TENM2: variants seen among roughly 807,000 people sequenced by gnomAD.
The protein encoded by TENM2 is teneurin-2.
TENM2 carries 52 observed loss-of-function variants against 245.2 expected under a neutral mutation model. That is an observed-to-expected ratio of 0.21 (90% CI 0.17 to 0.27). The LOEUF is 0.27. TENM2 is among the 10% of genes least tolerant of loss of function. The pLI is 1.00. For synonymous variants in TENM2, 1,363 were observed against 1,438.9 expected, an observed-to-expected ratio of 0.95 and a Z score of 1.19; for missense variants, 3,046 against 3,666.8, an observed-to-expected ratio of 0.83 and a Z score of 4.37.
At chr5:167,920,685 A>G (rs1255730820) in intron 3 of TENM2, among the ~76,000 whole-genome samples, 1 of 152,210 alleles carries the variant, frequency 6.6e-6, no homozygotes, top group Non-Finnish European at 1.5e-5. Flanking sequence ...CTAAGGAGAT[A>G]AATAATTGGG....
chr5:167,721,784 A>T (rs563334005), intron 2 of TENM2, among the ~76,000 whole-genome samples: 1 of 152,222 alleles, frequency 6.6e-6, no homozygotes, highest in Non-Finnish European at 1.5e-5. Context: ...CCTAGGCATT[A>T]GGACATAGAC....
intron 2 of TENM2, among the ~76,000 whole-genome samples, chr5:167,445,369 A>AGAGAGGGAGAGAGAGAGT (rs35699708): frequency 2.0e-5 from 2 of 98,578 alleles, no homozygotes; most frequent in Non-Finnish European, 3.7e-5. Flanking sequence ...AGAGAGAGAG[A>AGAGAGGGAGAGAGAGAGT]GTGTCAGGTG....
chr5:167,780,547 A>G (rs1166394644), intron 2 of TENM2, among the ~76,000 whole-genome samples: 3 of 152,132 alleles, frequency 2.0e-5, no homozygotes, highest in Admixed American at 1.3e-4. Context: ...CTGTCTGGTG[A>G]TCCTAAGCAC....
At chr5:168,133,754 C>T (rs548875045) in intron 12 of TENM2, among the ~76,000 whole-genome samples, 2 of 152,330 alleles carry the variant, frequency 1.3e-5, no homozygotes, top group African/African-American at 2.4e-5. Context: ...GGCCCCACTT[C>T]GTCCATTTAT....
chr5:167,493,059 G>C (rs1768539386), intron 2 of TENM2, among the ~76,000 whole-genome samples: 1 of 152,088 alleles, frequency 6.6e-6, no homozygotes, highest in Admixed American at 6.6e-5. Context: ...GTGGGATTCT[G>C]TGATTCTTAT....
intron 2 of TENM2, among the ~76,000 whole-genome samples, chr5:167,684,143 AC>A (rs748380456): frequency 2.0e-5 from 3 of 152,228 alleles, no homozygotes; most frequent in Admixed American, 6.5e-5. Context: ...AACAGGAAGT[AC>A]ATACCCAGGC....
At chr5:167,756,900 A>T (rs1160489373) in intron 2 of TENM2, among the ~76,000 whole-genome samples, 1 of 151,178 alleles carries the variant, frequency 6.6e-6, no homozygotes, top group Admixed American at 6.6e-5. Flanking sequence ...GCAGTTGGCC[A>T]CTGGTTCTTT....
chr5:167,385,394 T>A (rs2127347914), intron 2 of TENM2, among the ~76,000 whole-genome samples: 1 of 152,006 alleles, frequency 6.6e-6, no homozygotes, highest in East Asian at 1.9e-4. Flanking sequence ...GCTTTCTGCT[T>A]GTCTTTATTT....
chr5:168,146,990 C>T (rs1358046611), intron 12 of TENM2, among the ~76,000 whole-genome samples: 1 of 152,198 alleles, frequency 6.6e-6, no homozygotes, highest in African/African-American at 2.4e-5. Context: ...TGATGGAGGA[C>T]AATTCCCCTT....
At chr5:167,086,979 C>A in the TENM2 span, among the ~76,000 whole-genome samples, 2 of 151,050 alleles carry the variant, frequency 1.3e-5, no homozygotes, top group South Asian at 4.2e-4. Context: ...AGTGCCTGGG[C>A]TCTACCTTCA....
the TENM2 span, among the ~76,000 whole-genome samples, chr5:167,232,318 A>G: frequency 3.3e-5 from 5 of 152,098 alleles, no homozygotes; most frequent in Admixed American, 2.0e-4. Context: ...TGAAAACACT[A>G]AACGCCAGCC....
At chr5:167,680,319 A>C (rs1438297237) in intron 2 of TENM2, among the ~76,000 whole-genome samples, 1 of 152,080 alleles carries the variant, frequency 6.6e-6, no homozygotes, top group Admixed American at 6.6e-5. Context: ...GTTAAAAAAA[A>C]AAAAATCCCT....
chr5:167,739,230 T>C (rs1365541414), intron 2 of TENM2, among the ~76,000 whole-genome samples: 1 of 151,912 alleles, frequency 6.6e-6, no homozygotes, highest in Non-Finnish European at 1.5e-5. Flanking sequence ...TTGGGAATAG[T>C]CTATTTCTAT....
chr5:167,088,128 A>G, the TENM2 span, among the ~76,000 whole-genome samples: 1 of 152,200 alleles, frequency 6.6e-6, no homozygotes, highest in Non-Finnish European at 1.5e-5. Context: ...AGTCATGCTC[A>G]GAGTGGAACA....
the TENM2 span, among the ~76,000 whole-genome samples, chr5:167,094,312 C>A: frequency 6.6e-6 from 1 of 152,116 alleles, no homozygotes; most frequent in Admixed American, 6.5e-5. Context: ...TGCCTGTGCC[C>A]CCCACTGTAA....
intron 1 of TENM2, among the ~76,000 whole-genome samples, chr5:167,362,443 A>G (rs1759774653): frequency 6.6e-6 from 1 of 152,224 alleles, no homozygotes; most frequent in African/African-American, 2.4e-5. Context: ...AGTATCTGCT[A>G]TACATATATT....
chr5:167,532,394 G>A (rs943646276), intron 2 of TENM2, among the ~76,000 whole-genome samples: 7 of 152,032 alleles, frequency 4.6e-5, no homozygotes, highest in Non-Finnish European at 1.0e-4. Context: ...ATACAGGAAA[G>A]AGGTTTAATG....
the TENM2 span, among the ~76,000 whole-genome samples, chr5:167,159,130 A>G: frequency 6.6e-6 from 1 of 151,338 alleles, no homozygotes; most frequent in Non-Finnish European, 1.5e-5. Context: ...TTCAGTAGAG[A>G]CTGGGTTTCA....
At chr5:167,798,613 G>T (rs113854519) in intron 2 of TENM2, among the ~76,000 whole-genome samples, 5 of 152,214 alleles carry the variant, frequency 3.3e-5, no homozygotes, top group African/African-American at 1.2e-4. Context: ...GACAGAGCGG[G>T]CGTAGTATTC....
Sources: gnomAD v4.1 joint callset for allele counts (sites outside exome capture counted in the v4.1 genomes callset) on GRCh38, gnomAD v4.1.1 for gene constraint, MANE v1.5 for transcripts, NCBI Gene and HGNC (gene_info 2026-07-23, HGNC 2026-07-21) for gene names.